The following PRELID2 variants were observed in gnomAD, a reference collection of about 807,000 sequenced individuals.
PRELID2 encodes the protein PRELI domain containing 2.
In PRELID2, 25 loss-of-function variants were observed where a neutral mutation model predicts 28.4. The ratio of observed to expected loss-of-function variants is 0.88; its 90% CI spans 0.64 to 1.23. PRELID2 has a LOEUF of 1.23. Ranked by LOEUF, PRELID2 falls within the 50% of genes most tolerant of loss-of-function variation. PRELID2 has a pLI of 0.00. For synonymous variants in PRELID2, 76 were observed against 71.6 expected (o/e 1.06, Z -0.31); for missense variants, 201 against 214.4 (o/e 0.94, Z 0.39).
At chr5:145,262,171 GA>G in the PRELID2 span, among the ~76,000 whole-genome samples, 63 of 152,002 alleles carry the variant, frequency 4.1e-4, 1 homozygote, top group Non-Finnish European at 1.0e-4. Flanking sequence ...TTTAGAAAAT[GA>G]ACAAAGCCTC....
chr5:145,579,290 A>G (rs1753087876), intron 1 of PRELID2, among the ~76,000 whole-genome samples: 1 of 152,134 alleles, frequency 6.6e-6, no homozygotes, highest in African/African-American at 2.4e-5. Flanking sequence ...ACATTCATAC[A>G]TATAATTCTT....
intron 1 of PRELID2, among the ~76,000 whole-genome samples, chr5:145,498,281 A>C (rs4913031): frequency 6.6e-6 from 1 of 152,124 alleles, no homozygotes; most frequent in Non-Finnish European, 1.5e-5. Flanking sequence ...AGGAAGGTCA[A>C]TATTATTTGT....
chr5:145,495,191 C>T (rs1031282631), intron 1 of PRELID2, among the ~76,000 whole-genome samples: 3 of 152,138 alleles, frequency 2.0e-5, no homozygotes, highest in Non-Finnish European at 4.4e-5. Flanking sequence ...CTAACCTGGC[C>T]TCTCTGTACT....
the PRELID2 span, among the ~76,000 whole-genome samples, chr5:145,333,840 C>A: frequency 6.7e-6 from 1 of 148,742 alleles, no homozygotes; most frequent in Non-Finnish European, 1.5e-5. Context: ...AAAAAAACTC[C>A]TGCAGCTAGC....
At chr5:145,306,713 T>G in the PRELID2 span, among the ~76,000 whole-genome samples, 1 of 152,036 alleles carries the variant, frequency 6.6e-6, no homozygotes, top group East Asian at 1.9e-4. Flanking sequence ...TAACTAGTGA[T>G]TTTTCTGAAA....
the PRELID2 span, among the ~76,000 whole-genome samples, chr5:145,296,196 T>A: frequency 7.9e-5 from 12 of 151,884 alleles, no homozygotes; most frequent in Middle Eastern, 6.8e-3. Context: ...TTTTTTTATT[T>A]TATTATTATT....
chr5:145,598,059 G>T (rs980396977), intron 1 of PRELID2, among the ~76,000 whole-genome samples: 5 of 152,120 alleles, frequency 3.3e-5, no homozygotes, highest in African/African-American at 1.2e-4. Context: ...GGCCTGGAAG[G>T]CTTCATTAAA....
At chr5:145,482,406 T>C (rs1042889519) in intron 1 of PRELID2, among the ~76,000 whole-genome samples, 2 of 152,170 alleles carry the variant, frequency 1.3e-5, no homozygotes, top group Non-Finnish European at 2.9e-5. Context: ...TCTTCCTTTG[T>C]AAGATGAGGA....
At chr5:145,633,315 A>T (rs1205942214) in intron 1 of PRELID2, among the ~76,000 whole-genome samples, 2 of 152,182 alleles carry the variant, frequency 1.3e-5, no homozygotes, top group Non-Finnish European at 2.9e-5. Flanking sequence ...TATAGTAAAG[A>T]GACATGTTCT....
At chr5:145,638,307 G>A (rs1323645248) in intron 1 of PRELID2, among the ~76,000 whole-genome samples, 3 of 151,984 alleles carry the variant, frequency 2.0e-5, no homozygotes, top group African/African-American at 4.8e-5. Flanking sequence ...TGGCACTTGT[G>A]CTTTATTTAT....
At chr5:145,398,131 C>T in the PRELID2 span, among the ~76,000 whole-genome samples, 4 of 152,084 alleles carry the variant, frequency 2.6e-5, no homozygotes, top group East Asian at 7.7e-4. Flanking sequence ...CAAACAGTGT[C>T]ACCTGGCAGT....
the PRELID2 span, among the ~76,000 whole-genome samples, chr5:145,422,555 C>T: frequency 6.6e-6 from 1 of 151,778 alleles, no homozygotes; most frequent in Non-Finnish European, 1.5e-5. Context: ...AGGATTGCAA[C>T]CCCTGCCTTT....
intron 5 of PRELID2, among the ~76,000 whole-genome samples, chr5:145,777,709 A>G (rs539070714): frequency 1.4e-4 from 22 of 152,300 alleles, no homozygotes; most frequent in African/African-American, 4.6e-4. Context: ...CTGCAGCTGC[A>G]GACCCAGGCC....
chr5:145,529,844 T>C (rs1752640440), intron 1 of PRELID2, among the ~76,000 whole-genome samples: 2 of 152,184 alleles, frequency 1.3e-5, no homozygotes, highest in South Asian at 4.1e-4. Context: ...ATCTGAGAAA[T>C]GTCTGATCCC....
chr5:145,602,987 G>C (rs1394685589), intron 1 of PRELID2, among the ~76,000 whole-genome samples: 1 of 152,134 alleles, frequency 6.6e-6, no homozygotes, highest in East Asian at 1.9e-4. Flanking sequence ...AGGAGGCGGA[G>C]GTTGCAGTAA....
At chr5:145,390,488 A>G in the PRELID2 span, among the ~76,000 whole-genome samples, 2 of 152,160 alleles carry the variant, frequency 1.3e-5, no homozygotes, top group Admixed American at 1.3e-4. Context: ...AAACCATCAG[A>G]TATCATGAGA....
At chr5:145,233,972 T>C in the PRELID2 span, among the ~76,000 whole-genome samples, 1 of 152,196 alleles carries the variant, frequency 6.6e-6, no homozygotes, top group African/African-American at 2.4e-5. Context: ...TTTCAGAGTC[T>C]TTGCATTTAC....
rs376412659 is a variant in PRELID2 at position 145,758,384 on chromosome 5, A to G, written c.*2152T>C. On this transcript the variant is annotated 3_prime_UTR_variant, in exon 7 of 7. Coordinates refer to ENST00000683046, the MANE Select transcript of PRELID2 (RefSeq NM_205846.3). Reference sequence around the variant, plus strand: ...AATTAAATATTGTCTGCAAATACCTAAAAGTCACTGTAGTGTTCTTAGCTG... The same window carrying G: ...AATTAAATATTGTCTGCAAATACCTGAAAGTCACTGTAGTGTTCTTAGCTG... Among the ~76,000 whole-genome samples the G allele has an allele frequency of 2.6e-5, 4 of 152,140 alleles. No homozygotes were observed. The highest frequency in any genetic ancestry group is 9.7e-5 in the African/African-American group (4 of 41,426).
the PRELID2 span, chr5:145,440,879 C>T: frequency 5.3e-5 from 8 of 152,132 alleles, no homozygotes. Flanking sequence ...CTCTCTGAAC[C>T]ATGTTCCTCC....
Sources: allele counts gnomAD v4.1 joint callset (sites outside exome capture counted in the v4.1 genomes callset), GRCh38; gene constraint gnomAD v4.1.1; transcripts MANE v1.5; gene names NCBI Gene and HGNC (gene_info 2026-07-23, HGNC 2026-07-21).